Variants in ITGB8 observed in about 807,000 individuals in gnomAD.
ITGB8 encodes integrin subunit beta 8.
Under a neutral mutation model 89.5 loss-of-function variants are expected in ITGB8, and 30 were observed. That is an observed-to-expected ratio of 0.34 (90% CI 0.25 to 0.45). The LOEUF (loss-of-function observed/expected upper bound fraction) is 0.45, where lower values mean the gene tolerates loss of function less well. ITGB8 is among the 20% of genes least tolerant of loss of function. The pLI is 1.00. For synonymous variants in ITGB8, 335 were observed against 320.4 expected (o/e 1.05, Z -0.49); for missense variants, 836 against 933.3 (o/e 0.90, Z 1.36).
At chr7:20,353,750 G>A (rs531259368) in intron 1 of ITGB8, among the ~76,000 whole-genome samples, 6 of 150,728 alleles carry the variant, frequency 4.0e-5, no homozygotes, top group South Asian at 2.1e-4. Context: ...TGGCTAACAC[G>A]GTGAAACCCC....
intron 4 of ITGB8, chr7:20,379,722 A>C (rs1786298601): frequency 6.6e-6 from 1 of 152,296 alleles, no homozygotes; most frequent in Non-Finnish European, 1.5e-5. Flanking sequence ...CTATCTCTCC[A>C]TTACTGTACT....
intron 8 of ITGB8, among the ~76,000 whole-genome samples, chr7:20,395,944 C>G (rs1476951107): frequency 6.6e-6 from 1 of 152,190 alleles, no homozygotes. Context: ...ATGCTTTATG[C>G]TACCTTGAAT....
At chr7:20,374,219 C>T (rs1020835729) in intron 3 of ITGB8, among the ~76,000 whole-genome samples, 2 of 152,094 alleles carry the variant, frequency 1.3e-5, no homozygotes, top group African/African-American at 2.4e-5. Context: ...AAATTCTAGA[C>T]GCTGGCTTCT....
At chr7:20,338,025 C>A (rs767375694) in intron 1 of ITGB8, among the ~76,000 whole-genome samples, 11 of 152,192 alleles carry the variant, frequency 7.2e-5, no homozygotes, top group Non-Finnish European at 1.3e-4. Flanking sequence ...AAACAACAGG[C>A]TACCTGTGCT....
At chr7:20,377,703 C>G (rs1786211178) in intron 3 of ITGB8, among the ~76,000 whole-genome samples, 1 of 152,182 alleles carries the variant, frequency 6.6e-6, no homozygotes, top group African/African-American at 2.4e-5. Flanking sequence ...TGCCCTATTT[C>G]TCCTTTCAAA....
intron 1 of ITGB8, among the ~76,000 whole-genome samples, chr7:20,350,061 G>A (rs997435145): frequency 6.6e-6 from 1 of 152,064 alleles, no homozygotes; most frequent in Admixed American, 6.5e-5. Flanking sequence ...CTGCATTATT[G>A]GTAACTGTTT....
intron 3 of ITGB8, among the ~76,000 whole-genome samples, chr7:20,375,063 A>C (rs923500887): frequency 2.0e-5 from 3 of 152,192 alleles, no homozygotes; most frequent in Non-Finnish European, 4.4e-5. Flanking sequence ...CTTGATGAAT[A>C]ATAGGTAAGG....
At chr7:20,356,021 C>T (rs183641661) in intron 1 of ITGB8, among the ~76,000 whole-genome samples, 47 of 152,276 alleles carry the variant, frequency 3.1e-4, no homozygotes, top group East Asian at 2.9e-3. Flanking sequence ...ACTAACTTCC[C>T]GGTAATGTAT....
In ITGB8 at chr7:20,380,832, G is replaced by A; in HGVS notation, c.801+1G>A. 6.2e-7 allele frequency: 1 copy of A among 1,607,988 alleles called. No individual in the cohort carries two copies. Among genetic ancestry groups the A allele is most frequent in the Non-Finnish European group, 8.5e-7 (1 of 1,176,702 alleles). ...CATGCTTCAGGCAGCTGTCTGTGAAGTAAGACGTTTCACATGATCGAGTGT... is the reference window on the plus strand; with the variant it reads ...CATGCTTCAGGCAGCTGTCTGTGAAATAAGACGTTTCACATGATCGAGTGT... On this transcript the variant is annotated splice_donor_variant, in intron 5 of 13. Coordinates refer to ENST00000222573, the MANE Select transcript of ITGB8 (RefSeq NM_002214.3). LOFTEE classifies it high-confidence loss of function.
At chr7:20,347,409 G>T (rs1372424746) in intron 1 of ITGB8, among the ~76,000 whole-genome samples, 2 of 152,164 alleles carry the variant, frequency 1.3e-5, no homozygotes, top group African/African-American at 2.4e-5. Flanking sequence ...TTCTGAGAAC[G>T]TTGTTACATT....
intron 9 of ITGB8, among the ~76,000 whole-genome samples, chr7:20,399,688 C>T (rs567686690): frequency 1.3e-5 from 2 of 152,024 alleles, no homozygotes; most frequent in African/African-American, 2.4e-5. Flanking sequence ...CACAAAGAAA[C>T]ATACTCTTTA....
chr7:20,382,217 T>C (rs1786427363), intron 6 of ITGB8: 1 of 184,012 alleles, frequency 5.4e-6, no homozygotes, highest in African/African-American at 2.4e-5. Context: ...TTTATACAAA[T>C]AGACCAGGTC....
In ITGB8 at chr7:20,368,732, C is replaced by T. The variant is rs183098769; in HGVS notation, c.388+1546C>T. 4.3e-3 allele frequency among the ~76,000 whole-genome samples: 652 copies of T among 152,056 alleles called. 3 individuals are homozygous for T. The highest frequency in any genetic ancestry group is 6.7e-3 in the Non-Finnish European group (454 of 67,966). ...ATTTTATTTATTTATTTTTGTTATGCTCCTTCGTGCACACTGAATATAAGC... is the reference window on the plus strand; with the variant it reads ...ATTTTATTTATTTATTTTTGTTATGTTCCTTCGTGCACACTGAATATAAGC... On this transcript the variant is annotated intron_variant, in intron 3 of 13. Coordinates refer to ENST00000222573, the MANE Select transcript of ITGB8 (RefSeq NM_002214.3).
At chr7:20,345,087 T>C in intron 1 of ITGB8, among the ~76,000 whole-genome samples, 1 of 152,276 alleles carries the variant, frequency 6.6e-6, no homozygotes, top group East Asian at 1.9e-4. Context: ...GAAGGAGGTA[T>C]GATCTTAAGT....
intron 1 of ITGB8, among the ~76,000 whole-genome samples, chr7:20,349,541 T>G (rs1479034876): frequency 6.6e-6 from 1 of 152,094 alleles, no homozygotes; most frequent in Non-Finnish European, 1.5e-5. Flanking sequence ...TTGAAAAGAT[T>G]TTTTATTATC....
intron 3 of ITGB8, among the ~76,000 whole-genome samples, chr7:20,373,971 C>G (rs1321801718): frequency 1.3e-5 from 2 of 152,160 alleles, no homozygotes; most frequent in South Asian, 2.1e-4. Context: ...CTGGCAATAG[C>G]TCTAAGTAGG....
chr7:20,396,747 T>G (rs1484899449), intron 8 of ITGB8, among the ~76,000 whole-genome samples: 3 of 152,128 alleles, frequency 2.0e-5, no homozygotes, highest in Non-Finnish European at 4.4e-5. Flanking sequence ...ATGAACCCAT[T>G]TATTACTCCA....
chr7:20,336,257 G>A (rs183771970), intron 1 of ITGB8, among the ~76,000 whole-genome samples: 167 of 152,018 alleles, frequency 1.1e-3, no homozygotes, highest in African/African-American at 3.9e-3. Flanking sequence ...TGCTCGCCTC[G>A]GCCTCCCAAA....
intron 5 of ITGB8, chr7:20,381,424 G>A (rs6944599): frequency 0.39 from 73,784 of 187,454 alleles, 15,111 homozygotes; most frequent in Non-Finnish European, 0.43. Flanking sequence ...GGCCTCCCAA[G>A]GTGCTGGGAT....
Sources: gnomAD v4.1 joint callset for allele counts (sites outside exome capture counted in the v4.1 genomes callset) on GRCh38, gnomAD v4.1.1 for gene constraint, MANE v1.5 for transcripts, NCBI Gene and HGNC (gene_info 2026-07-23, HGNC 2026-07-21) for gene names.